The following RHEBL1 variants were observed in gnomAD, a reference collection of about 807,000 sequenced individuals.
RHEBL1 encodes the protein RHEB like 1.
In RHEBL1, 22 loss-of-function variants were observed where a neutral mutation model predicts 27.4. The observed-to-expected ratio is 0.80, with a 90% CI of 0.57 to 1.15. The LOEUF (loss-of-function observed/expected upper bound fraction) is 1.15, where lower values mean the gene tolerates loss of function less well. Ranked by LOEUF, RHEBL1 falls within the 50% of genes most tolerant of loss-of-function variation. The pLI is 0.00. For synonymous variants in RHEBL1, 85 were observed against 80.8 expected (o/e 1.05, Z -0.28); for missense variants, 186 against 226.5 (o/e 0.82, Z 1.15).
chr12:49,068,981 T>C, intron 2 of RHEBL1, 54 bp downstream of exon 2: 1 of 1,554,278 alleles, frequency 6.4e-7, no homozygotes, highest in Non-Finnish European at 8.7e-7. Flanking sequence ...GGGTGGGGTA[T>C]CCAAGCCCTC....
chr12:49,065,281 C>T (rs1938977325), intron 7 of RHEBL1, 69 bp downstream of exon 7: 3 of 1,560,008 alleles, frequency 1.9e-6, no homozygotes, highest in Non-Finnish European at 2.7e-6. Context: ...GCAACATTCC[C>T]ACCACCAAGC....
At chr12:49,069,510 G>A (rs1386488509) in intron 1 of RHEBL1, among the ~76,000 whole-genome samples, 2 of 151,850 alleles carry the variant, frequency 1.3e-5, no homozygotes, top group Non-Finnish European at 2.9e-5. Flanking sequence ...GATTCCCGCA[G>A]CCAGGTCCGC....
Position 49,069,050 on chromosome 12 carries a change from G to A in RHEBL1, c.109C>T (p.Pro37Ser), listed in dbSNP as rs772805768. The change falls in exon 2 of 8, where the codon CCT (proline) becomes TCT (serine). Residue 37 changes from proline to serine, a missense_variant. Physicochemically the swap from Pro to Ser is moderately conservative, Grantham distance 74. Transcript: ENST00000301068. ...GTCTACTCACTATTCTCCACTGTAGGATCGTAGCCTTCCGAGAACTCGCCT... is the reference window on the plus strand; with the variant it reads ...GTCTACTCACTATTCTCCACTGTAGAATCGTAGCCTTCCGAGAACTCGCCT... ...VEGEFSEGYDPTVENTYSKIV... is the reference protein window; with the variant it reads ...VEGEFSEGYDSTVENTYSKIV... 5 of 1,613,920 alleles carry A rather than the reference G, an allele frequency of 3.1e-6. No homozygotes were observed. In the African/African-American group the frequency reaches 5.3e-5, roughly 17 times the overall value.
chr12:49,069,832 C>T lies in RHEBL1; in HGVS notation c.-47G>A. Reference sequence around the variant, plus strand: ...CTTGCGGAACTGCGGGCTCAGAGAGCCCGAAAACGAGGTCAGGGTGTGAGC... The same window carrying T: ...CTTGCGGAACTGCGGGCTCAGAGAGTCCGAAAACGAGGTCAGGGTGTGAGC... On this transcript the variant is annotated 5_prime_UTR_variant, in exon 1 of 8. Transcript: ENST00000301068. 2 of 1,574,106 alleles carry T rather than the reference C, an allele frequency of 1.3e-6. No homozygotes were observed. Among genetic ancestry groups the T allele is most frequent in the South Asian group, 2.2e-5 (2 of 90,216 alleles).
At chr12:49,066,802 C>CTA in intron 3 of RHEBL1, 101 bp from the exon 4 acceptor site, 2 of 1,168,706 alleles carry the variant, frequency 1.7e-6, no homozygotes, top group East Asian at 2.3e-5. Context: ...GCACGCCCTA[C>CTA]TATAGTCACT....
chr12:49,066,270 A>G lies in RHEBL1; in HGVS notation c.341T>C (p.Val114Ala), dbSNP rs1938995570. Reference sequence around the variant, plus strand: ...ATCTGCCTTGTTCCCCACTAGAACCACTGGCACCCTGTGAGGAAACAGCAG... The same window carrying G: ...ATCTGCCTTGTTCCCCACTAGAACCGCTGGCACCCTGTGAGGAAACAGCAG... ...HEGHGKTRVP[V>A]VLVGNKADLS... The change falls in exon 6 of 8, where the codon GTG becomes GCG. Residue 114 changes from valine (V) to alanine (A), a missense_variant. By Grantham distance (64) the Val-to-Ala change is moderately conservative. Coordinates refer to ENST00000301068, the MANE Select transcript of RHEBL1 (RefSeq NM_144593.3). 8 of 1,613,922 alleles carry G rather than the reference A, an allele frequency of 5.0e-6. No homozygotes were observed. The highest frequency in any genetic ancestry group is 6.8e-6 in the Non-Finnish European group (8 of 1,179,836).
intron 6 of RHEBL1, 136 bp from the exon 7 acceptor site, chr12:49,065,567 G>A (rs1417566644): frequency 1.6e-5 from 11 of 698,900 alleles, no homozygotes; most frequent in Non-Finnish European, 2.5e-5. Flanking sequence ...GGCCGAGGTG[G>A]TGGATCACTT....
chr12:49,069,553 C>T (rs1319499402), intron 1 of RHEBL1, among the ~76,000 whole-genome samples, 181 bp downstream of exon 1: 1 of 134,628 alleles, frequency 7.4e-6, no homozygotes, highest in Non-Finnish European at 1.6e-5. Context: ...TTCCTGCAGC[C>T]TCCACACACC....
rs1939044714 is a variant in RHEBL1, at chr12:49,069,063, C to T, written c.96G>A (p.Ser32=). 4 of 1,614,090 alleles carry T rather than the reference C, an allele frequency of 2.5e-6. No homozygotes were observed. Among genetic ancestry groups the T allele is most frequent in the Non-Finnish European group, 3.4e-6 (4 of 1,179,986 alleles). Residue 32 remains serine (S), a synonymous_variant, in exon 2 of 8, where the codon TCG becomes TCA. Transcript: ENST00000301068. The part of the protein sequence containing the change: ...LAHQFVEGEF[S]EGYDPTVENT... ...TCTCCACTGTAGGATCGTAGCCTTC[C>T]GAGAACTCGCCTTCCACAAATTGAT...
chr12:49,069,791 G>A lies in RHEBL1; in HGVS notation c.-6C>T, dbSNP rs745511546. ...CTGTAGCGGACTAGCGGCATGGCAG[G>A]AGCCCGCCCCAGGGGCTTGCGGAAC... On this transcript the variant is annotated 5_prime_UTR_variant, in exon 1 of 8. Transcript: ENST00000301068. 1.9e-6 allele frequency: 3 copies of A among 1,613,294 alleles called. No individual in the cohort carries two copies. In the Admixed American group the frequency reaches 5.0e-5, roughly 27 times the overall value.
At chr12:49,066,882 T>A (rs1016009769) in intron 3 of RHEBL1, 86 bp downstream of exon 3, 1 of 1,197,864 alleles carries the variant, frequency 8.3e-7, no homozygotes, top group Non-Finnish European at 1.2e-6. Context: ...CTTTTAATAC[T>A]ACTTTACGGA....
At position 49,066,678 on chromosome 12, in the gene RHEBL1, A is replaced by G. The variant is rs1382780556; in HGVS notation, c.216T>C (p.Tyr72=). Residue 72 remains tyrosine (Y), a synonymous_variant, in exon 4 of 8, where the codon TAT becomes TAC. Coordinates refer to ENST00000301068, the MANE Select transcript of RHEBL1 (RefSeq NM_144593.3). The part of the protein sequence containing the change: ...AGQDEYSILP[Y]SFIIGVHGYV... Reference sequence around the variant, plus strand: ...AACCATGGACCCCAATGATGAATGAATAGGGCAGAATGCTGTACTCATCCT... The same window carrying G: ...AACCATGGACCCCAATGATGAATGAGTAGGGCAGAATGCTGTACTCATCCT... 1 of 1,614,002 alleles carries G rather than the reference A, an allele frequency of 6.2e-7. No individual in the cohort carries two copies.
At chr12:49,066,433 C>T (rs181745558) in intron 5 of RHEBL1, 43 bp downstream of exon 5, 1 of 1,595,700 alleles carries the variant, frequency 6.3e-7, no homozygotes, top group East Asian at 2.2e-5. Context: ...CTCTCCCACC[C>T]CCTCATGCCC....
intron 2 of RHEBL1, 46 bp downstream of exon 2, chr12:49,068,989 C>T (rs1939042576): frequency 6.4e-7 from 1 of 1,574,212 alleles, no homozygotes; most frequent in South Asian, 1.2e-5. Flanking sequence ...TATCCAAGCC[C>T]TCCGGGTCGC....
In RHEBL1 at chr12:49,067,029, C is replaced by A; in HGVS notation, c.131G>T (p.Ser44Ile). The A allele has an allele frequency of 6.2e-7, 1 of 1,613,056 alleles. No homozygotes were observed. Among genetic ancestry groups the A allele is most frequent in the South Asian group, 1.1e-5 (1 of 91,064 alleles). Reference sequence around the variant, plus strand: ...ATCTTTGCCAAGAGTCACTATCTTGCTGTAAGCTGAAAAGAAAAGAAAACT... The same window carrying A: ...ATCTTTGCCAAGAGTCACTATCTTGATGTAAGCTGAAAAGAAAAGAAAACT... ...GYDPTVENTY[S>I]KIVTLGKDEF... Residue 44 changes from serine (S) to isoleucine (I), a missense_variant, in exon 3 of 8, where the codon AGC becomes ATC. Ser to Ile is a moderately radical substitution (Grantham distance 142). This residue lies in a region of RHEBL1 where 62 missense variants were observed against 62.1 expected (regional missense o/e 1.00). Transcript: ENST00000301068.
Position 49,069,932 on chromosome 12 carries a change from G to A in RHEBL1, c.-147C>T. The stretch of plus-strand genomic sequence containing the variant: ...GCAAGTTAGAAGGAAACCAAAACAA[G>A]CGCCGCGCCCGGAGCTGCCCACGTG... On this transcript the variant is annotated 5_prime_UTR_variant, in exon 1 of 8. Coordinates refer to ENST00000301068, the MANE Select transcript of RHEBL1 (RefSeq NM_144593.3). 1 of 684,774 alleles carries A rather than the reference G, an allele frequency of 1.5e-6. No individual in the cohort carries two copies. The highest frequency in any genetic ancestry group is 2.6e-6 in the Non-Finnish European group (1 of 387,906). 42.4% of individuals were successfully genotyped at this position (684,774 alleles called of 1,614,324 possible).
intron 2 of RHEBL1, 70 bp downstream of exon 2, chr12:49,068,965 G>T: frequency 6.8e-7 from 1 of 1,465,676 alleles, no homozygotes. Flanking sequence ...AATAAATTAT[G>T]GAGTTGGGTG....
At chr12:49,066,197 T>C in intron 6 of RHEBL1, 34 bp downstream of exon 6, 1 of 1,586,750 alleles carries the variant, frequency 6.3e-7, no homozygotes, top group Non-Finnish European at 8.7e-7. Context: ...TCCATTTCAC[T>C]TCCTTTTGCT....
rs1939063524 is a variant in RHEBL1, at chr12:49,069,955, G to A, written c.-170C>T. The A allele has an allele frequency of 4.7e-6, 3 of 642,124 alleles. No individual in the cohort carries two copies. The highest frequency in any genetic ancestry group is 8.4e-6 in the Non-Finnish European group (3 of 358,432). The allele number at this position is 642,124 out of a possible 1,614,324, so 39.8% of individuals were successfully genotyped here. A position where few individuals can be genotyped will look rare whatever the true frequency, so the allele number is the denominator to read the frequency against. ...AAGCGCCGCGCCCGGAGCTGCCCAC[G>A]TGATCACAACACAGCACGTCTAACG... On this transcript the variant is annotated 5_prime_UTR_variant, in exon 1 of 8. In the 5' UTR this introduces an upstream ATG that the reference lacks. Coordinates refer to ENST00000301068, the MANE Select transcript of RHEBL1 (RefSeq NM_144593.3).
Sources: gnomAD v4.1 joint callset for allele counts (sites outside exome capture counted in the v4.1 genomes callset) on GRCh38, gnomAD v4.1.1 for gene constraint, gnomAD v4.1.1 regional missense constraint, MANE v1.5 for transcripts, NCBI Gene and HGNC (gene_info 2026-07-23, HGNC 2026-07-21) for gene names.